The following THSD7A variants were observed in gnomAD, a reference collection of about 807,000 sequenced individuals.
THSD7A encodes the protein thrombospondin type-1 domain-containing protein 7A.
THSD7A carries 96 observed loss-of-function variants against 231.3 expected under a neutral mutation model. The ratio of observed to expected loss-of-function variants is 0.41; its 90% CI spans 0.35 to 0.49. The LOEUF is 0.49. Among genes scored for constraint, THSD7A ranks in the 20% least tolerant of loss-of-function variants. The pLI is 0.05. For missense variants in THSD7A, 2,290 were observed against 2,070.2 expected (o/e 1.11, Z -2.06); for synonymous variants, 940 against 743.3 (o/e 1.26, Z -4.30).
chr7:11,477,053 C>T (rs112362639), intron 7 of THSD7A, among the ~76,000 whole-genome samples: 4 of 152,176 alleles, frequency 2.6e-5, no homozygotes, highest in African/African-American at 9.6e-5. Flanking sequence ...TATTCAAAAT[C>T]CAAAAATCAG....
At chr7:11,652,076 G>C (rs1782527419) in intron 1 of THSD7A, among the ~76,000 whole-genome samples, 1 of 151,730 alleles carries the variant, frequency 6.6e-6, no homozygotes, top group African/African-American at 2.4e-5. Flanking sequence ...CCATACTCTG[G>C]TTAACAAATG....
chr7:11,819,751 C>A (rs1399823745), intron 1 of THSD7A, among the ~76,000 whole-genome samples: 1 of 152,134 alleles, frequency 6.6e-6, no homozygotes, highest in Non-Finnish European at 1.5e-5. Context: ...AATATCTCTA[C>A]ATATCTGTTA....
intron 1 of THSD7A, among the ~76,000 whole-genome samples, chr7:11,665,680 AGCAC>A (rs1262746737): frequency 1.3e-5 from 2 of 152,122 alleles, no homozygotes; most frequent in Non-Finnish European, 2.9e-5. Context: ...AGTGGATAAA[AGCAC>A]GGTCTTGGAC....
chr7:11,419,833 AGTGGAGTAAAGCCCACT>A (rs1666177241), intron 16 of THSD7A, among the ~76,000 whole-genome samples: 1 of 152,172 alleles, frequency 6.6e-6, no homozygotes, highest in African/African-American at 2.4e-5. Flanking sequence ...CTTATTGGGA[AGTGGAGTAAAGCCCACT>A]TTTGCTATAC....
rs567810426 is a variant in THSD7A at position 11,511,483 on chromosome 7, A to C, written c.1823-29501T>G. Reference sequence around the variant, plus strand: ...AACAGCCCGCATTGCTAAGTCAATCATAAGCCAAAAGAACAAAGCTGGAGG... The same window carrying C: ...AACAGCCCGCATTGCTAAGTCAATCCTAAGCCAAAAGAACAAAGCTGGAGG... On this transcript the variant is annotated intron_variant, in intron 6 of 27. Coordinates refer to ENST00000423059, the MANE Select transcript of THSD7A (RefSeq NM_015204.3). Among the ~76,000 whole-genome samples the C allele has an allele frequency of 4.5e-3, 683 of 152,290 alleles. 3 individuals carry two copies. The highest frequency in any genetic ancestry group is 7.6e-3 in the Non-Finnish European group (520 of 67,998).
chr7:11,435,808 A>G (rs1162664889), intron 13 of THSD7A, among the ~76,000 whole-genome samples: 1 of 151,972 alleles, frequency 6.6e-6, no homozygotes, highest in Non-Finnish European at 1.5e-5. Context: ...GGGAAGTCAG[A>G]AATTTGCAGC....
intron 2 of THSD7A, among the ~76,000 whole-genome samples, chr7:11,596,001 T>C (rs1420900770): frequency 2.0e-5 from 3 of 152,336 alleles, no homozygotes; most frequent in South Asian, 4.1e-4. Flanking sequence ...TTAATTTATA[T>C]AGGCAGAAAA....
At chr7:11,479,386 T>C (rs955249660) in intron 7 of THSD7A, among the ~76,000 whole-genome samples, 1 of 152,244 alleles carries the variant, frequency 6.6e-6, no homozygotes, top group Non-Finnish European at 1.5e-5. Flanking sequence ...GAAAATCATA[T>C]AATTTCTTGT....
At chr7:11,480,520 C>G (rs983678406) in intron 7 of THSD7A, among the ~76,000 whole-genome samples, 2 of 152,088 alleles carry the variant, frequency 1.3e-5, no homozygotes, top group African/African-American at 4.8e-5. Flanking sequence ...TTTGACAACA[C>G]AAGAAATATA....
At chr7:11,671,287 T>G (rs1783382109) in intron 1 of THSD7A, among the ~76,000 whole-genome samples, 1 of 152,188 alleles carries the variant, frequency 6.6e-6, no homozygotes, top group Non-Finnish European at 1.5e-5. Flanking sequence ...TGTGGCTTTA[T>G]TTTTTAAAAC....
chr7:11,532,389 T>A (rs948872599), intron 6 of THSD7A, among the ~76,000 whole-genome samples: 1 of 152,190 alleles, frequency 6.6e-6, no homozygotes, highest in African/African-American at 2.4e-5. Flanking sequence ...GATGCTGCTT[T>A]AAGAAATCTA....
At position 11,462,113 on chromosome 7, in the gene THSD7A, T is replaced by C. The variant is rs750735011; in HGVS notation, c.2399A>G (p.His800Arg). Residue 800 changes from histidine to arginine, a missense_variant, in exon 10 of 28, where the codon CAT becomes CGT. By Grantham distance (29) the His-to-Arg change is conservative. Coordinates refer to ENST00000423059, the MANE Select transcript of THSD7A (RefSeq NM_015204.3). ...GDSSIRKQSR[H>R]RVIIQLPANG... The stretch of plus-strand genomic sequence containing the variant: ...GGCTGGCAGCTGAATGATGACCCGA[T>C]GCCTAGACTGCTTCCTGATACTGGA... The C allele has an allele frequency of 6.8e-6, 11 of 1,613,656 alleles. No individual in the cohort carries two copies. The African/African-American group carries it at 1.2e-4, about 18-fold the overall frequency.
At chr7:11,480,583 CAA>C (rs1786383521) in intron 7 of THSD7A, among the ~76,000 whole-genome samples, 1 of 151,402 alleles carries the variant, frequency 6.6e-6, no homozygotes, top group African/African-American at 2.4e-5. Context: ...TTTTTTGGAG[CAA>C]AGAGTTAAAT....
At chr7:11,775,179 A>C (rs989577898) in intron 1 of THSD7A, among the ~76,000 whole-genome samples, 3 of 152,248 alleles carry the variant, frequency 2.0e-5, no homozygotes, top group Admixed American at 6.5e-5. Context: ...TGGCTTTAAA[A>C]AACGGCACAG....
intron 13 of THSD7A, among the ~76,000 whole-genome samples, chr7:11,438,301 T>C (rs1250003681): frequency 6.6e-6 from 1 of 152,016 alleles, no homozygotes; most frequent in African/African-American, 2.4e-5. Flanking sequence ...CACACATATT[T>C]ATAATGTAAA....
intron 8 of THSD7A, among the ~76,000 whole-genome samples, chr7:11,471,428 A>G (rs140349067): frequency 6.6e-6 from 1 of 152,074 alleles, no homozygotes; most frequent in African/African-American, 2.4e-5. Context: ...TCATTAATCT[A>G]TTTCCCATAA....
At chr7:11,619,848 C>T (rs1486734289) in intron 2 of THSD7A, among the ~76,000 whole-genome samples, 2 of 152,104 alleles carry the variant, frequency 1.3e-5, no homozygotes, top group Non-Finnish European at 2.9e-5. Flanking sequence ...TGGTATTTAA[C>T]TCTGATGCCT....
chr7:11,721,236 G>C (rs530741990), intron 1 of THSD7A, among the ~76,000 whole-genome samples: 1 of 151,864 alleles, frequency 6.6e-6, no homozygotes, highest in East Asian at 2.0e-4. Context: ...GTTTTAATTT[G>C]TGTCTCCACT....
At chr7:11,644,828 C>T (rs1246240386) in intron 1 of THSD7A, among the ~76,000 whole-genome samples, 2 of 151,942 alleles carry the variant, frequency 1.3e-5, no homozygotes, top group Non-Finnish European at 2.9e-5. Flanking sequence ...CCTCTCATAA[C>T]ACTACCTGAC....
Sources: allele counts gnomAD v4.1 joint callset (sites outside exome capture counted in the v4.1 genomes callset), GRCh38; gene constraint gnomAD v4.1.1; transcripts MANE v1.5; gene names NCBI Gene and HGNC (gene_info 2026-07-23, HGNC 2026-07-21).